MUSK: variants seen among roughly 807,000 people sequenced by gnomAD.
The protein encoded by MUSK is muscle associated receptor tyrosine kinase.
Under a neutral mutation model 88.7 loss-of-function variants are expected in MUSK, and 55 were observed. The observed-to-expected ratio is 0.62, with a 90% confidence interval of 0.50 to 0.78. MUSK has a LOEUF of 0.78. Among genes scored for constraint, MUSK ranks in the 30% least tolerant of loss-of-function variants. The probability of loss-of-function intolerance (pLI) is 0.00; values close to 1 mark genes in which losing one functional copy is unlikely to be tolerated. For synonymous variants in MUSK, 387 were observed against 391.9 expected (o/e 0.99, Z 0.15); for missense variants, 1,015 against 1,074.3 (o/e 0.94, Z 0.77).
In MUSK at chr9:110,775,872, A is replaced by G. The variant is rs779022286; in HGVS notation, c.1269A>G (p.Arg423=). Residue 423 remains arginine, a synonymous_variant, in exon 10 of 15, where the codon AGA becomes AGG. Transcript: ENST00000374448. ...AGAAGACCCACAGAGGACTCTACAG[A>G]TCCGAGATGCATTTGCTGTCCGTGC... ...MEEKTHRGLY[R]SEMHLLSVPE... 6.2e-7 allele frequency: 1 copy of G among 1,613,974 alleles called. No homozygotes were observed. Among genetic ancestry groups the G allele is most frequent in the East Asian group, 2.2e-5 (1 of 44,882 alleles).
chr9:110,760,839 G>C (rs2077388059), intron 7 of MUSK, among the ~76,000 whole-genome samples: 1 of 152,104 alleles, frequency 6.6e-6, no homozygotes, highest in African/African-American at 2.4e-5. Context: ...CAATCTCAAA[G>C]AGAATGATTA....
At chr9:110,725,959 A>C (rs1216461991) in intron 5 of MUSK, among the ~76,000 whole-genome samples, 1 of 151,942 alleles carries the variant, frequency 6.6e-6, no homozygotes, top group Admixed American at 6.6e-5. Context: ...AACTAGGACT[A>C]CTGTTTGAGC....
intron 9 of MUSK, among the ~76,000 whole-genome samples, chr9:110,772,313 G>C (rs2077588470): frequency 6.6e-6 from 1 of 151,000 alleles, no homozygotes. Flanking sequence ...TCACCTTTTT[G>C]AAAGAAAAAA....
intron 1 of MUSK, among the ~76,000 whole-genome samples, chr9:110,677,411 G>C (rs925693382): frequency 6.6e-6 from 1 of 152,074 alleles, no homozygotes; most frequent in African/African-American, 2.4e-5. Flanking sequence ...TTAACTTAAC[G>C]TCTCGGCAGC....
At position 110,756,562 on chromosome 9, in the gene MUSK, A is replaced by C. The variant is rs1000871861; in HGVS notation, c.914-5640A>C. Among the ~76,000 whole-genome samples, 8 of 152,090 alleles carry C rather than the reference A, an allele frequency of 5.3e-5. No individual in the cohort carries two copies. The East Asian group carries it at 1.5e-3, about 29-fold the overall frequency. Reference sequence around the variant, plus strand: ...TATTAAAAAAAAAAAAAGACAAAACAAATGCTTTCCTTGTCTCTGAGTCCT... The same window carrying C: ...TATTAAAAAAAAAAAAAGACAAAACCAATGCTTTCCTTGTCTCTGAGTCCT... On this transcript the variant is annotated intron_variant, in intron 7 of 14. Coordinates refer to ENST00000374448, the MANE Select transcript of MUSK (RefSeq NM_005592.4).
At chr9:110,778,484 T>C (rs1234522820) in intron 11 of MUSK, among the ~76,000 whole-genome samples, 7 of 152,106 alleles carry the variant, frequency 4.6e-5, no homozygotes, top group Non-Finnish European at 1.0e-4. Flanking sequence ...TCTATACATA[T>C]ACATGGAGAA....
intron 1 of MUSK, among the ~76,000 whole-genome samples, chr9:110,675,850 C>T (rs927939744): frequency 6.6e-6 from 1 of 152,016 alleles, no homozygotes; most frequent in Non-Finnish European, 1.5e-5. Flanking sequence ...CGTGAGCCAC[C>T]GCACCTGGCC....
intron 5 of MUSK, among the ~76,000 whole-genome samples, chr9:110,715,163 T>C (rs1035856177): frequency 6.7e-6 from 1 of 149,826 alleles, no homozygotes; most frequent in Non-Finnish European, 1.5e-5. Context: ...CAGAAAGATA[T>C]CCTAGAGATC....
intron 14 of MUSK, among the ~76,000 whole-genome samples, chr9:110,790,222 T>A (rs1461129267): frequency 6.6e-6 from 1 of 152,112 alleles, no homozygotes; most frequent in East Asian, 1.9e-4. Flanking sequence ...TAAACATGGA[T>A]GTTCACTGGT....
At chr9:110,785,783 A>G in intron 13 of MUSK, 65 bp downstream of exon 13, 1 of 1,175,732 alleles carries the variant, frequency 8.5e-7, no homozygotes, top group Non-Finnish European at 1.2e-6. Context: ...CTACCAAACT[A>G]TTAGCTTGGT....
At chr9:110,776,024 T>C in intron 10 of MUSK, 61 bp downstream of exon 10, 7 of 1,509,162 alleles carry the variant, frequency 4.6e-6, no homozygotes, top group Non-Finnish European at 6.2e-6. Flanking sequence ...TTGAAGAAAC[T>C]AAGGTGTGAA....
intron 5 of MUSK, among the ~76,000 whole-genome samples, chr9:110,700,144 G>A (rs1043731311): frequency 6.6e-6 from 1 of 152,162 alleles, no homozygotes; most frequent in Non-Finnish European, 1.5e-5. Context: ...CAAGCGTGGT[G>A]CAGCATGGAT....
intron 6 of MUSK, among the ~76,000 whole-genome samples, chr9:110,739,223 G>A (rs768213068): frequency 6.6e-6 from 1 of 152,126 alleles, no homozygotes; most frequent in Non-Finnish European, 1.5e-5. Context: ...TAGATAAGCT[G>A]TTATGATTAT....
In MUSK at chr9:110,784,999, A is replaced by G. The variant is rs1377282417; in HGVS notation, c.1569A>G (p.Gln523=). ...TTLYCCRRRK[Q]WKNKKRESAA... ...TCTATTGCTGCCGAAGAAGAAAACA[A>G]TGGAAAAATAAGAAAAGGTGAGATT... Residue 523 remains glutamine, a synonymous_variant, in exon 12 of 15, where the codon CAA becomes CAG. Coordinates refer to ENST00000374448, the MANE Select transcript of MUSK (RefSeq NM_005592.4). 6.2e-7 allele frequency: 1 copy of G among 1,613,676 alleles called. No individual in the cohort carries two copies. Among genetic ancestry groups the G allele is most frequent in the South Asian group, 1.1e-5 (1 of 91,062 alleles).
intron 1 of MUSK, 129 bp downstream of exon 1, chr9:110,669,112 G>A: frequency 1.2e-6 from 1 of 822,394 alleles, no homozygotes; most frequent in Non-Finnish European, 2.1e-6. Context: ...AGGGTGAAAT[G>A]TATGATGAGG....
chr9:110,800,299 G>T lies in MUSK; in HGVS notation c.1928-7G>T. ...TGAGACTAACAGGGATGGTCTTTTG[G>T]TTCCAGGAGTGTGTGCTGTCGGGAA... On this transcript the variant is annotated splice_polypyrimidine_tract_variant and splice_region_variant and intron_variant, in intron 14 of 14. Coordinates refer to ENST00000374448, the MANE Select transcript of MUSK (RefSeq NM_005592.4). 3 of 1,598,326 alleles carry T rather than the reference G, an allele frequency of 1.9e-6. No individual in the cohort carries two copies. Among genetic ancestry groups the T allele is most frequent in the Non-Finnish European group, 1.7e-6 (2 of 1,169,480 alleles).
chr9:110,755,341 A>C (rs904254300), intron 7 of MUSK, among the ~76,000 whole-genome samples: 4 of 152,206 alleles, frequency 2.6e-5, no homozygotes, highest in Non-Finnish European at 4.4e-5. Flanking sequence ...TTGTTTTTAA[A>C]GTGCATTGTA....
chr9:110,726,975 A>G (rs1301575248), intron 5 of MUSK, among the ~76,000 whole-genome samples: 1 of 152,120 alleles, frequency 6.6e-6, no homozygotes, highest in Admixed American at 6.6e-5. Context: ...AATATGAAAG[A>G]AACTAATATT....
intron 7 of MUSK, among the ~76,000 whole-genome samples, chr9:110,751,584 G>T (rs1461003836): frequency 6.6e-6 from 1 of 152,192 alleles, no homozygotes; most frequent in African/African-American, 2.4e-5. Context: ...AGGAATAATG[G>T]TTGTGTAGAC....
Sources: allele counts gnomAD v4.1 joint callset (sites outside exome capture counted in the v4.1 genomes callset), GRCh38; gene constraint gnomAD v4.1.1; transcripts MANE v1.5; gene names NCBI Gene and HGNC (gene_info 2026-07-23, HGNC 2026-07-21).